The following ATAD3C variants were observed in gnomAD, a reference collection of about 807,000 sequenced individuals.
ATAD3C encodes the protein ATPase family AAA domain-containing protein 3C.
ATAD3C carries 38 observed loss-of-function variants against 46.3 expected under a neutral mutation model. The observed-to-expected ratio is 0.82, with a 90% CI of 0.63 to 1.08. The LOEUF (loss-of-function observed/expected upper bound fraction) is 1.08, where lower values mean the gene tolerates loss of function less well. Ranked by LOEUF, ATAD3C falls within the 50% of genes least tolerant of loss-of-function variation. The probability of loss-of-function intolerance (pLI) is 0.00; values close to 1 mark genes in which losing one functional copy is unlikely to be tolerated. For synonymous variants in ATAD3C, 220 were observed against 236.4 expected (o/e 0.93, Z 0.63); for missense variants, 563 against 572.7 (o/e 0.98, Z 0.17).
In ATAD3C at chr1:1,452,134, C is replaced by T. The variant is rs781271351; in HGVS notation, c.152+12C>T. The T allele has an allele frequency of 2.4e-5, 38 of 1,612,596 alleles. No homozygotes were observed. The East Asian group carries it at 6.2e-4, about 26-fold the overall frequency. On this transcript the variant is annotated intron_variant, in intron 2 of 11. Transcript: ENST00000378785. Reference sequence around the variant, plus strand: ...TTGGAGTCCATCAGGTGAGCGCTGCCGAGGCCCGGGCCGGCCGCAGATGGA... The same window carrying T: ...TTGGAGTCCATCAGGTGAGCGCTGCTGAGGCCCGGGCCGGCCGCAGATGGA...
At chr1:1,461,653 G>A (rs113562564) in intron 10 of ATAD3C, among the ~76,000 whole-genome samples, 7,107 of 110,170 alleles carry the variant, frequency 0.065, 417 homozygotes, top group African/African-American at 0.31. Context: ...AGGGACTGGA[G>A]GGAGAGGCTC....
rs772051903 is a variant in ATAD3C at position 1,455,813 on chromosome 1, GCGA to G, written c.463_465del (p.Asp155del). On this transcript the variant is annotated inframe_deletion, in exon 6 of 12. Coordinates refer to ENST00000378785, the MANE Select transcript of ATAD3C (RefSeq NM_001039211.3). ...CAGCCCAGCCTGGAAGCACGGGTGCGCGACATCGCCATAATGACAAGGAACATC... is the reference window on the plus strand; with the variant it reads ...CAGCCCAGCCTGGAAGCACGGGTGCGCATCGCCATAATGACAAGGAACATC... 5.0e-6 allele frequency: 8 copies of G among 1,613,330 alleles called. No homozygotes were observed. The African/African-American group carries it at 1.1e-4, about 22-fold the overall frequency.
intron 1 of ATAD3C, among the ~76,000 whole-genome samples, chr1:1,451,841 G>A (rs941877708): frequency 6.6e-6 from 1 of 152,040 alleles, no homozygotes; most frequent in African/African-American, 2.4e-5. Flanking sequence ...CCGCTGGGGA[G>A]TTTGGGCCCC....
chr1:1,454,587 T>C lies in ATAD3C; in HGVS notation c.378+87T>C, dbSNP rs1695863. 33,114 of 1,468,486 alleles carry C rather than the reference T, an allele frequency of 0.023. 4,659 individuals are homozygous for C. The East Asian group carries it at 0.37, about 17-fold the overall frequency. 91.0% of individuals were successfully genotyped at this position (1,468,486 alleles called of 1,614,324 possible). ...CGAGCACAGCCCACGCATATACTCCTGTCCCTTCCCTTTCCCCGGATAACA... is the reference window on the plus strand; with the variant it reads ...CGAGCACAGCCCACGCATATACTCCCGTCCCTTCCCTTTCCCCGGATAACA... On this transcript the variant is annotated intron_variant, in intron 4 of 11. Coordinates refer to ENST00000378785, the MANE Select transcript of ATAD3C (RefSeq NM_001039211.3).
intron 6 of ATAD3C, 124 bp downstream of exon 6, chr1:1,456,040 G>T: frequency 6.6e-7 from 1 of 1,514,612 alleles, no homozygotes; most frequent in Non-Finnish European, 8.8e-7. Context: ...CCCTCGTGTA[G>T]GCTCAGGGTG....
chr1:1,449,799 G>A lies in ATAD3C; in HGVS notation c.-885G>A, dbSNP rs958180433. 1 of 151,926 alleles carries A rather than the reference G, an allele frequency of 6.6e-6. No homozygotes were observed. The highest frequency in any genetic ancestry group is 2.4e-5 in the African/African-American group (1 of 41,390). 9.4% of individuals were successfully genotyped at this position (151,926 alleles called of 1,614,324 possible). On this transcript the variant is annotated 5_prime_UTR_variant, in exon 1 of 12. The change abolishes an upstream ATG in the 5' untranslated region. Transcript: ENST00000378785. ...GATGGGAAAACTCATCCCGGAAAAT[G>A]TTGAGACCTGATGCTGAGTCCTCAG...
At chr1:1,455,195 C>T (rs1442587228) in intron 4 of ATAD3C, among the ~76,000 whole-genome samples, 17 of 123,402 alleles carry the variant, frequency 1.4e-4, no homozygotes, top group Non-Finnish European at 2.2e-4. Flanking sequence ...CCAGCCTGGG[C>T]GACAGAGTGA....
At position 1,462,485 on chromosome 1, in the gene ATAD3C, C is replaced by A; in HGVS notation, c.981-115C>A. On this transcript the variant is annotated intron_variant, in intron 10 of 11. Transcript: ENST00000378785. The surrounding 1 kb of genome is among the most constrained non-coding windows in gnomAD (Gnocchi z 4.5). ...AACTTGGCTGTCACAGGTAGAGAGT[C>A]CCTCTCAAGGGGGCATCTGGCATGG... is the stretch of plus-strand genomic sequence containing the variant. 9.2e-7 allele frequency: 1 copy of A among 1,090,936 alleles called. No individual in the cohort carries two copies. The highest frequency in any genetic ancestry group is 1.4e-6 in the Non-Finnish European group (1 of 739,178). The allele number at this position is 1,090,936 out of a possible 1,614,324, so 67.6% of individuals were successfully genotyped here. A position where few individuals can be genotyped will look rare whatever the true frequency, so the allele number is the denominator to read the frequency against.
chr1:1,462,400 G>A lies in ATAD3C; in HGVS notation c.981-200G>A. ...TAGGAAGGGGTGCGGCCATCTCCAG[G>A]CCCCACAGCCGCCCCCTTCCTGCTC... On this transcript the variant is annotated intron_variant, in intron 10 of 11. Coordinates refer to ENST00000378785, the MANE Select transcript of ATAD3C (RefSeq NM_001039211.3). This position sits in a 1 kb window ranked among gnomAD's most constrained non-coding sequence, Gnocchi z 4.5. The A allele has an allele frequency of 1.8e-6, 1 of 542,204 alleles. No individual in the cohort carries two copies. The highest frequency in any genetic ancestry group is 3.4e-6 in the Non-Finnish European group (1 of 297,972). 33.6% of individuals were successfully genotyped at this position (542,204 alleles called of 1,614,324 possible).
intron 4 of ATAD3C, among the ~76,000 whole-genome samples, chr1:1,455,008 C>G (rs1472862888): frequency 2.6e-5 from 4 of 151,182 alleles, no homozygotes; most frequent in African/African-American, 9.7e-5. Context: ...GAGGTCAGGA[C>G]ATCGAGACCA....
At chr1:1,453,536 C>T (rs1450594530) in intron 3 of ATAD3C, among the ~76,000 whole-genome samples, 1 of 151,934 alleles carries the variant, frequency 6.6e-6, no homozygotes, top group Non-Finnish European at 1.5e-5. Context: ...GGGGTTTTAC[C>T]ATGTTGGCCA....
chr1:1,461,718 T>TATA lies in ATAD3C; in HGVS notation c.980+801_980+802insATA, dbSNP rs1215043641. On this transcript the variant is annotated intron_variant, in intron 10 of 11. Transcript: ENST00000378785. ...GGAGAGGCTCCTCATGAGACCCCCA[T>TATA]GTAGGGATTGGAGGGAGAGGCTCCT... Among the ~76,000 whole-genome samples, 8 of 148,448 alleles carry TATA rather than the reference T, an allele frequency of 5.4e-5. 1 individual carries two copies. Among genetic ancestry groups the TATA allele is most frequent in the East Asian group, 3.9e-4 (2 of 5,144 alleles).
At chr1:1,455,256 AGAAGCC>A (rs1638935966) in intron 4 of ATAD3C, among the ~76,000 whole-genome samples, 198 bp from the exon 5 acceptor site, 1 of 148,818 alleles carries the variant, frequency 6.7e-6, no homozygotes, top group Non-Finnish European at 1.5e-5. Context: ...CAGAAAAAAG[AGAAGCC>A]GATAAGAAAC....
At chr1:1,450,895 G>C in intron 1 of ATAD3C, 137 bp downstream of exon 1, 1 of 1,373,268 alleles carries the variant, frequency 7.3e-7, no homozygotes, top group Non-Finnish European at 1.0e-6. Flanking sequence ...AAGCTTGGGC[G>C]CCTCATTTCA....
chr1:1,463,475 T>TCAC (rs1639102017), intron 11 of ATAD3C, among the ~76,000 whole-genome samples: 1 of 151,988 alleles, frequency 6.6e-6, no homozygotes, highest in Non-Finnish European at 1.5e-5. Context: ...CCGGGGTATG[T>TCAC]AGGGAGCTGT....
Position 1,469,677 on chromosome 1 carries a change from G to GT in ATAD3C, c.*1163dup, listed in dbSNP as rs869128031. The GT allele has an allele frequency of 0.018, 2,370 of 130,042 alleles. 75 individuals carry two copies. Among genetic ancestry groups the GT allele is most frequent in the Admixed American group, 0.087 (1,109 of 12,702 alleles). The allele number at this position is 130,042 out of a possible 1,614,324, so 8.1% of individuals were successfully genotyped here. ...AGGCTTGAGCCACCGTGCCTGGTCT[G>GT]TTTTTTTTTTTTTTTTGGCAATAGA... On this transcript the variant is annotated 3_prime_UTR_variant, in exon 12 of 12. Coordinates refer to ENST00000378785, the MANE Select transcript of ATAD3C (RefSeq NM_001039211.3).
In ATAD3C at chr1:1,454,644, T is replaced by A. The variant is rs370340388; in HGVS notation, c.378+144T>A. The stretch of plus-strand genomic sequence containing the variant: ...CGCACGCTGCTTCACGGGTGGGTTT[T>A]CCTGTCTGGCGCTGTACCTTAGGGG... On this transcript the variant is annotated intron_variant, in intron 4 of 11. Coordinates refer to ENST00000378785, the MANE Select transcript of ATAD3C (RefSeq NM_001039211.3). 1.4e-4 allele frequency: 192 copies of A among 1,355,872 alleles called. 4 individuals carry two copies. The African/African-American group carries it at 2.5e-3, about 18-fold the overall frequency. 84.0% of individuals were successfully genotyped at this position (1,355,872 alleles called of 1,614,324 possible).
intron 3 of ATAD3C, among the ~76,000 whole-genome samples, chr1:1,453,037 C>G (rs1638890896): frequency 6.6e-6 from 1 of 152,032 alleles, no homozygotes. Context: ...AGGTCCCCGG[C>G]ACTGAGTGGG....
intron 11 of ATAD3C, among the ~76,000 whole-genome samples, chr1:1,467,284 T>G (rs1175357012): frequency 6.6e-6 from 1 of 152,068 alleles, no homozygotes; most frequent in Non-Finnish European, 1.5e-5. Flanking sequence ...GGGTGGACCC[T>G]GAGGGTCCCT....
Sources: allele counts gnomAD v4.1 joint callset (sites outside exome capture counted in the v4.1 genomes callset), GRCh38; gene constraint gnomAD v4.1.1; non-coding constraint Gnocchi (gnomAD v3.1); transcripts MANE v1.5; gene names NCBI Gene and HGNC (gene_info 2026-07-23, HGNC 2026-07-21).